PLCB4: variants seen among roughly 807,000 people sequenced by gnomAD.
The protein encoded by PLCB4 is 1-phosphatidylinositol 4,5-bisphosphate phosphodiesterase beta-4.
Under a neutral mutation model 178.8 loss-of-function variants are expected in PLCB4, and 77 were observed. The observed-to-expected ratio is 0.43, with a 90% CI of 0.36 to 0.52. The LOEUF (loss-of-function observed/expected upper bound fraction) is 0.52. PLCB4 is among the 20% of genes least tolerant of loss of function. The probability of loss-of-function intolerance (pLI) is 0.00; values close to 1 mark genes in which losing one functional copy is unlikely to be tolerated. For missense variants in PLCB4, 1,024 were observed against 1,453.4 expected (o/e 0.70, Z 4.80); for synonymous variants, 496 against 490.8 (o/e 1.01, Z -0.14).
chr20:9,424,011 A>G, intron 28 of PLCB4, 59 bp downstream of exon 28: 1 of 1,098,016 alleles, frequency 9.1e-7, no homozygotes, highest in Non-Finnish European at 1.4e-6. Context: ...TTATAAGATT[A>G]TAAAACATCT....
intron 2 of PLCB4, among the ~76,000 whole-genome samples, chr20:9,102,425 G>A (rs548900055): frequency 4.6e-5 from 7 of 152,270 alleles, no homozygotes; most frequent in Non-Finnish European, 8.8e-5. Flanking sequence ...GCGGTGGTTC[G>A]AGATATACAT....
At chr20:9,133,454 G>GA (rs11087838) in intron 2 of PLCB4, among the ~76,000 whole-genome samples, 134,528 of 152,058 alleles carry the variant, frequency 0.88, 59,904 homozygotes, top group East Asian at 1. Context: ...TTTTACTAGA[G>GA]TGGGGTTTCA....
At chr20:9,416,301 T>A (rs1207060709) in intron 25 of PLCB4, among the ~76,000 whole-genome samples, 4 of 152,288 alleles carry the variant, frequency 2.6e-5, no homozygotes, top group South Asian at 4.1e-4. Flanking sequence ...GAAGGGCTCT[T>A]GATCTTTAAC....
At chr20:9,108,414 G>A (rs987854737) in intron 2 of PLCB4, among the ~76,000 whole-genome samples, 8 of 152,090 alleles carry the variant, frequency 5.3e-5, no homozygotes, top group South Asian at 4.2e-4. Context: ...GGCATATGGC[G>A]TCTTAGAATC....
At chr20:9,392,210 G>C (rs1436345742) in intron 17 of PLCB4, among the ~76,000 whole-genome samples, 1 of 152,088 alleles carries the variant, frequency 6.6e-6, no homozygotes, top group Non-Finnish European at 1.5e-5. Flanking sequence ...ACAAAGAATC[G>C]GACAAAATGC....
At chr20:9,355,580 AATG>A (rs1307970892) in intron 7 of PLCB4, among the ~76,000 whole-genome samples, 1 of 151,966 alleles carries the variant, frequency 6.6e-6, no homozygotes, top group African/African-American at 2.4e-5. Context: ...GTTTACTGAG[AATG>A]ATGATTTCCA....
intron 3 of PLCB4, among the ~76,000 whole-genome samples, chr20:9,239,827 C>T (rs971447362): frequency 6.6e-6 from 1 of 152,090 alleles, no homozygotes; most frequent in African/African-American, 2.4e-5. Context: ...GGCCTCAGAG[C>T]CCCCGGCAAA....
intron 28 of PLCB4, among the ~76,000 whole-genome samples, chr20:9,427,611 A>G: frequency 6.6e-6 from 1 of 152,168 alleles, no homozygotes; most frequent in Non-Finnish European, 1.5e-5. Context: ...TGCCAACGCC[A>G]CCGTAGATGG....
intron 4 of PLCB4, among the ~76,000 whole-genome samples, chr20:9,331,816 G>A (rs1286362832): frequency 6.6e-6 from 1 of 152,152 alleles, no homozygotes; most frequent in Non-Finnish European, 1.5e-5. Context: ...GTCTCTGTAA[G>A]CCTGTAGTGG....
At chr20:9,288,406 C>CTT (rs5840316) in intron 3 of PLCB4, among the ~76,000 whole-genome samples, 6 of 140,760 alleles carry the variant, frequency 4.3e-5, no homozygotes, top group African/African-American at 1.3e-4. Context: ...CCTGTAGTTG[C>CTT]TTTTTTTTTT....
intron 2 of PLCB4, among the ~76,000 whole-genome samples, chr20:9,103,307 T>C (rs1177950029): frequency 6.6e-6 from 1 of 152,132 alleles, no homozygotes; most frequent in Admixed American, 6.6e-5. Context: ...AAAAGTAAAA[T>C]GGGAACATTT....
At chr20:9,473,469 G>T in intron 38 of PLCB4, 104 bp downstream of exon 38, 1 of 537,366 alleles carries the variant, frequency 1.9e-6, no homozygotes, top group South Asian at 3.8e-5. Context: ...GTAATTGAAA[G>T]GTAGATAGAA....
chr20:9,416,364 C>G (rs150056136), intron 25 of PLCB4, among the ~76,000 whole-genome samples: 1 of 152,268 alleles, frequency 6.6e-6, no homozygotes, highest in Non-Finnish European at 1.5e-5. Flanking sequence ...CAAGGAGATT[C>G]AGAACTGGAA....
chr20:9,203,056 A>T (rs8114669), intron 2 of PLCB4, among the ~76,000 whole-genome samples: 8,628 of 125,618 alleles, frequency 0.069, 345 homozygotes, highest in African/African-American at 0.087. Flanking sequence ...AAAAAAAAAA[A>T]ATATATATAT....
intron 2 of PLCB4, among the ~76,000 whole-genome samples, chr20:9,162,593 G>A (rs1019893946): frequency 3.3e-5 from 5 of 152,070 alleles, no homozygotes; most frequent in African/African-American, 7.2e-5. Flanking sequence ...CACAGCCTTC[G>A]TTCATGTTTA....
At chr20:9,318,540 G>T (rs2094925551) in intron 4 of PLCB4, among the ~76,000 whole-genome samples, 1 of 152,174 alleles carries the variant, frequency 6.6e-6, no homozygotes, top group Non-Finnish European at 1.5e-5. Context: ...CAGAATAATG[G>T]CTGACAGTCA....
At chr20:9,080,759 C>T (rs2090104042) in intron 1 of PLCB4, among the ~76,000 whole-genome samples, 1 of 152,142 alleles carries the variant, frequency 6.6e-6, no homozygotes, top group African/African-American at 2.4e-5. Flanking sequence ...TATCACTGAC[C>T]TCTTGTCGGA....
rs1037624781 is a variant in PLCB4, at chr20:9,408,939, C to T, written c.1875-118C>T. On this transcript the variant is annotated intron_variant, in intron 23 of 39. Coordinates refer to ENST00000378473, the MANE Select transcript of PLCB4 (RefSeq NM_001377142.1). ...GCATCATTTGTAAATGTGAAATCTGCTCTGTGCTGTCTACTTGTTTGTCAT... is the reference window on the plus strand; with the variant it reads ...GCATCATTTGTAAATGTGAAATCTGTTCTGTGCTGTCTACTTGTTTGTCAT... The T allele has an allele frequency of 4.5e-6, 4 of 888,634 alleles. No homozygotes were observed. The Admixed American group carries it at 7.6e-5, about 17-fold the overall frequency. 55.0% of individuals were successfully genotyped at this position (888,634 alleles called of 1,614,324 possible).
At chr20:9,300,108 G>A (rs2094686306) in intron 3 of PLCB4, among the ~76,000 whole-genome samples, 1 of 152,092 alleles carries the variant, frequency 6.6e-6, no homozygotes, top group Non-Finnish European at 1.5e-5. Context: ...ACAGCTTGTT[G>A]ATATGTTTTT....
Sources: allele counts gnomAD v4.1 joint callset (sites outside exome capture counted in the v4.1 genomes callset), GRCh38; gene constraint gnomAD v4.1.1; transcripts MANE v1.5; gene names NCBI Gene and HGNC (gene_info 2026-07-23, HGNC 2026-07-21).